VRK3: variants seen among roughly 807,000 people sequenced by gnomAD.
The protein encoded by VRK3 is serine/threonine-protein kinase VRK3.
Under a neutral mutation model 60.4 loss-of-function variants are expected in VRK3, and 50 were observed. The ratio of observed to expected loss-of-function variants is 0.83; its 90% CI spans 0.66 to 1.05. The LOEUF is 1.05. VRK3 is among the 50% of genes least tolerant of loss of function. VRK3 has a pLI of 0.00. For missense variants in VRK3, 549 were observed against 585.3 expected (o/e 0.94, Z 0.64); for synonymous variants, 246 against 227.8 (o/e 1.08, Z -0.72).
In VRK3 at chr19:50,007,836, G is replaced by A. The variant is rs747179110; in HGVS notation, c.290-10C>T. 6.2e-7 allele frequency: 1 copy of A among 1,614,006 alleles called. No individual in the cohort carries two copies. ...GGTCTGCTCCCGGAGCCTGCAGGAG[G>A]ATGTAAGAATAAAGTAAAAGCACCA... On this transcript the variant is annotated splice_polypyrimidine_tract_variant and intron_variant, in intron 4 of 14. Transcript: ENST00000316763.
chr19:50,001,120 C>T (rs1463274791), intron 5 of VRK3: 17 of 383,762 alleles, frequency 4.4e-5, no homozygotes, highest in South Asian at 1.5e-4. Context: ...CCCTGGATTC[C>T]GGGAGGGCTC....
At chr19:49,994,998 C>A (rs541628121) in intron 8 of VRK3, 79 bp from the exon 9 acceptor site, 2 of 1,407,940 alleles carry the variant, frequency 1.4e-6, no homozygotes, top group Admixed American at 2.0e-5. Flanking sequence ...TGGACTGTTG[C>A]GTGGGCTGCA....
chr19:49,982,293 G>A, intron 12 of VRK3: 1 of 693,026 alleles, frequency 1.4e-6, no homozygotes, highest in South Asian at 1.5e-5. Flanking sequence ...TCAGGCTTTG[G>A]GACATCAGAC....
chr19:50,024,517 T>C (rs1326581795), intron 1 of VRK3, among the ~76,000 whole-genome samples: 1 of 152,226 alleles, frequency 6.6e-6, no homozygotes, highest in African/African-American at 2.4e-5. Context: ...TTCTTTAACA[T>C]TTCTTTTTTA....
rs1170285963 is a variant in VRK3, at chr19:49,989,725, C to T, written c.1010G>A (p.Gly337Asp). ...GCCTTCCACGTAGGCCACGTGTTTG[C>T]CACTTGGGCAATAGCGGAAGGCGAA... ...YGFAFRYCPS[G>D]KHVAYVEGSR... The change falls in exon 11 of 15, where the codon GGC becomes GAC. Residue 337 changes from glycine (G) to aspartate (D), a missense_variant. Gly to Asp is a moderately conservative substitution (Grantham distance 94). Coordinates refer to ENST00000316763, the MANE Select transcript of VRK3 (RefSeq NM_016440.4). 2 of 1,613,734 alleles carry T rather than the reference C, an allele frequency of 1.2e-6. No individual in the cohort carries two copies. The highest frequency in any genetic ancestry group is 1.7e-6 in the Non-Finnish European group (2 of 1,179,750).
intron 12 of VRK3, among the ~76,000 whole-genome samples, chr19:49,985,771 G>A (rs926565554): frequency 3.3e-5 from 5 of 152,220 alleles, no homozygotes; most frequent in Non-Finnish European, 7.3e-5. Context: ...CAAGGGTTCA[G>A]TATTTGTTGA....
At chr19:49,996,164 C>T (rs1019601674) in intron 7 of VRK3, among the ~76,000 whole-genome samples, 9 of 152,112 alleles carry the variant, frequency 5.9e-5, no homozygotes, top group Non-Finnish European at 1.2e-4. Context: ...TCATGATCCG[C>T]CCGCCTCGGC....
intron 3 of VRK3, among the ~76,000 whole-genome samples, chr19:50,009,923 G>A (rs1046580864): frequency 6.6e-6 from 1 of 152,152 alleles, no homozygotes; most frequent in Admixed American, 6.6e-5. Context: ...TTACAGGCAT[G>A]AGCCACCATG....
chr19:49,989,646 C>G lies in VRK3; in HGVS notation c.1089G>C (p.Lys363Asn), dbSNP rs765343518. The change falls in exon 11 of 15, where the codon AAG becomes AAC. Residue 363 changes from lysine (K) to asparagine (N), a missense_variant. Coordinates refer to ENST00000316763, the MANE Select transcript of VRK3 (RefSeq NM_016440.4). ...CCATCCCTGGCCTCGTACCGCATCC[C>G]TTGTGCAGGTCCATGCTAATGAACT... is the stretch of plus-strand genomic sequence containing the variant. Reference protein sequence around the residue: ...DLEFISMDLHKGCGPSRRSDL... With the variant: ...DLEFISMDLHNGCGPSRRSDL... 6.2e-7 allele frequency: 1 copy of G among 1,610,136 alleles called. No individual in the cohort carries two copies. The highest frequency in any genetic ancestry group is 1.1e-5 in the South Asian group (1 of 90,356).
intron 3 of VRK3, among the ~76,000 whole-genome samples, chr19:50,011,692 C>A (rs1211264640): frequency 6.6e-6 from 1 of 151,778 alleles, no homozygotes; most frequent in African/African-American, 2.4e-5. Context: ...CGTGGTCCTG[C>A]CTGTCTTCCC....
intron 14 of VRK3, chr19:49,978,818 CT>C: frequency 2.8e-6 from 1 of 357,234 alleles, no homozygotes; most frequent in Non-Finnish European, 5.1e-6. Flanking sequence ...CCCGTTGTGC[CT>C]GAAGCTCCCC....
intron 5 of VRK3, among the ~76,000 whole-genome samples, chr19:50,006,034 CCAG>C (rs1004134185): frequency 1.3e-5 from 2 of 149,126 alleles, no homozygotes; most frequent in African/African-American, 5.2e-5. Flanking sequence ...GCCTGTAATC[CCAG>C]CACTTTGGGA....
At chr19:49,983,981 G>A (rs2076469632) in intron 12 of VRK3, among the ~76,000 whole-genome samples, 2 of 152,166 alleles carry the variant, frequency 1.3e-5, no homozygotes, top group Non-Finnish European at 2.9e-5. Context: ...TGGAATTACT[G>A]TTATCCATGC....
intron 3 of VRK3, among the ~76,000 whole-genome samples, chr19:50,013,133 C>G (rs573030990): frequency 6.6e-6 from 1 of 152,296 alleles, no homozygotes; most frequent in East Asian, 1.9e-4. Flanking sequence ...CGTCACTGCA[C>G]TCCAGCCTGG....
chr19:50,016,049 G>A lies in VRK3; in HGVS notation c.114C>T (p.Val38=), dbSNP rs1600720971. 1 of 1,614,232 alleles carries A rather than the reference G, an allele frequency of 6.2e-7. No homozygotes were observed. Among genetic ancestry groups the A allele is most frequent in the African/African-American group, 1.3e-5 (1 of 75,064 alleles). The change falls in exon 3 of 15, where the codon GTC becomes GTT. Residue 38 remains valine, a synonymous_variant. Transcript: ENST00000316763. The stretch of plus-strand genomic sequence containing the variant: ...CTTGGAAGGATGACACATGTGGATT[G>A]ACAAAGGTCTGGGACCCTACATGCT... ...VEEHVGSQTF[V]NPHVSSFQGS... is the part of the protein sequence containing the mutation.
chr19:49,994,719 T>G (rs1319961964), intron 9 of VRK3, 95 bp downstream of exon 9: 2 of 1,084,112 alleles, frequency 1.8e-6, no homozygotes, highest in Non-Finnish European at 2.7e-6. Flanking sequence ...CGGAGGGGGG[T>G]GGGGGCCGGA....
intron 9 of VRK3, among the ~76,000 whole-genome samples, chr19:49,993,529 G>C (rs1226823723): frequency 6.6e-6 from 1 of 152,072 alleles, no homozygotes; most frequent in Non-Finnish European, 1.5e-5. Flanking sequence ...CTCACAAGTA[G>C]CTGGGACTAC....
At chr19:49,984,544 T>C (rs1376462035) in intron 12 of VRK3, among the ~76,000 whole-genome samples, 1 of 152,236 alleles carries the variant, frequency 6.6e-6, no homozygotes, top group Admixed American at 6.5e-5. Flanking sequence ...ACATTGGGGC[T>C]GCGTCTGCCC....
chr19:49,988,320 T>C, intron 12 of VRK3, 52 bp downstream of exon 12: 1 of 1,556,006 alleles, frequency 6.4e-7, no homozygotes, highest in Non-Finnish European at 8.6e-7. Flanking sequence ...TCTGTCCACC[T>C]GCAGGGGTTC....
Sources: gnomAD v4.1 joint callset for allele counts (sites outside exome capture counted in the v4.1 genomes callset) on GRCh38, gnomAD v4.1.1 for gene constraint, MANE v1.5 for transcripts, NCBI Gene and HGNC (gene_info 2026-07-23, HGNC 2026-07-21) for gene names.